Variants in CLEC16A observed in about 807,000 individuals in gnomAD.
The protein encoded by CLEC16A is protein CLEC16A.
In CLEC16A, 51 loss-of-function variants were observed where a neutral mutation model predicts 109.5. The ratio of observed to expected loss-of-function variants is 0.47; its 90% CI spans 0.37 to 0.59. The LOEUF is 0.59. CLEC16A is among the 20% of genes least tolerant of loss of function. The pLI is 0.00. For synonymous variants in CLEC16A, 673 were observed against 564.2 expected, an observed-to-expected ratio of 1.19 and a Z score of -2.73; for missense variants, 1,339 against 1,394.0, an observed-to-expected ratio of 0.96 and a Z score of 0.63.
chr16:10,977,789 A>C (rs879258372), intron 8 of CLEC16A, among the ~76,000 whole-genome samples: 2 of 152,176 alleles, frequency 1.3e-5, no homozygotes, highest in Non-Finnish European at 2.9e-5. Flanking sequence ...AAGTGCTGGG[A>C]TTATGGCCAG....
intron 22 of CLEC16A, among the ~76,000 whole-genome samples, chr16:11,151,362 C>T (rs1157832525): frequency 1.3e-5 from 2 of 152,190 alleles, no homozygotes; most frequent in Non-Finnish European, 2.9e-5. Context: ...GGGGGATGCC[C>T]ACCTGGTCAC....
At chr16:11,163,900 G>A (rs536319133) in intron 22 of CLEC16A, among the ~76,000 whole-genome samples, 2 of 152,310 alleles carry the variant, frequency 1.3e-5, no homozygotes, top group East Asian at 3.9e-4. Flanking sequence ...TTGTTAAGGG[G>A]TAATTCATTT....
chr16:11,140,329 G>A (rs1175785144), intron 22 of CLEC16A, among the ~76,000 whole-genome samples: 1 of 152,190 alleles, frequency 6.6e-6, no homozygotes, highest in Non-Finnish European at 1.5e-5. Context: ...TGGATGGAAT[G>A]AGCCTTCCTC....
chr16:11,168,647 C>G (rs1221043698), intron 23 of CLEC16A, among the ~76,000 whole-genome samples: 3 of 152,258 alleles, frequency 2.0e-5, no homozygotes, highest in Non-Finnish European at 4.4e-5. Context: ...AAGCTCCTCC[C>G]TGTCTTGAGG....
intron 10 of CLEC16A, among the ~76,000 whole-genome samples, chr16:10,998,665 T>C (rs551535642): frequency 3.3e-5 from 5 of 152,210 alleles, no homozygotes; most frequent in African/African-American, 7.2e-5. Context: ...CCCTTCTCCT[T>C]CTTCTCCTTT....
chr16:11,089,425 C>A (rs140041170), intron 19 of CLEC16A, among the ~76,000 whole-genome samples: 3 of 152,160 alleles, frequency 2.0e-5, no homozygotes, highest in Non-Finnish European at 4.4e-5. Context: ...TGTTACAGAA[C>A]GCTGAGGGGT....
intron 18 of CLEC16A, chr16:11,056,626 A>G (rs538762312): frequency 6.6e-6 from 1 of 152,296 alleles, no homozygotes; most frequent in Admixed American, 6.5e-5. Flanking sequence ...CCTTTGTAAA[A>G]CCACAAGCAG....
At chr16:11,091,728 C>T (rs144657062) in intron 19 of CLEC16A, among the ~76,000 whole-genome samples, 287 of 152,224 alleles carry the variant, frequency 1.9e-3, no homozygotes, top group Non-Finnish European at 3.3e-3. Flanking sequence ...GCTTTGAGCA[C>T]GATGCCTGAA....
At chr16:11,112,637 C>T (rs1350792788) in intron 19 of CLEC16A, among the ~76,000 whole-genome samples, 1 of 152,152 alleles carries the variant, frequency 6.6e-6, no homozygotes, top group African/African-American at 2.4e-5. Context: ...TGCAGTCCAG[C>T]CTGGGTGACA....
intron 10 of CLEC16A, among the ~76,000 whole-genome samples, chr16:10,985,094 T>C (rs2043549059): frequency 6.7e-6 from 1 of 150,264 alleles, no homozygotes; most frequent in Admixed American, 6.7e-5. Context: ...TCTCAGCTAC[T>C]CGGGAGGCTG....
At chr16:11,073,302 C>T (rs915569139) in intron 19 of CLEC16A, among the ~76,000 whole-genome samples, 8 of 152,120 alleles carry the variant, frequency 5.3e-5, no homozygotes, top group African/African-American at 1.2e-4. Flanking sequence ...GGAGCAGCTG[C>T]TCATCACCCG....
chr16:11,054,724 G>T (rs2048120360), intron 18 of CLEC16A, among the ~76,000 whole-genome samples: 1 of 152,156 alleles, frequency 6.6e-6, no homozygotes, highest in Admixed American at 6.5e-5. Flanking sequence ...TACGGTTCCT[G>T]TTGCAAGGTA....
intron 13 of CLEC16A, chr16:11,027,520 C>G: frequency 6.3e-7 from 1 of 1,575,142 alleles, no homozygotes; most frequent in Non-Finnish European, 8.6e-7. Context: ...AAGACCATCC[C>G]TCTGACAGAC....
chr16:11,154,085 C>T (rs1187147387), intron 22 of CLEC16A, among the ~76,000 whole-genome samples: 1 of 152,244 alleles, frequency 6.6e-6, no homozygotes, highest in Non-Finnish European at 1.5e-5. Flanking sequence ...TACACACGCA[C>T]ACTCCTGCAC....
At chr16:11,043,736 G>A (rs1324634889) in intron 15 of CLEC16A, among the ~76,000 whole-genome samples, 2 of 152,030 alleles carry the variant, frequency 1.3e-5, no homozygotes, top group Non-Finnish European at 2.9e-5. Context: ...ATGGTGATGG[G>A]TGCCTGTAAT....
At chr16:11,014,796 G>C (rs2045641880) in intron 11 of CLEC16A, among the ~76,000 whole-genome samples, 1 of 152,204 alleles carries the variant, frequency 6.6e-6, no homozygotes, top group Non-Finnish European at 1.5e-5. Context: ...CGCACCTTGG[G>C]AGGGAGGCTG....
intron 4 of CLEC16A, 74 bp downstream of exon 4, chr16:10,969,383 G>C: frequency 1.9e-6 from 2 of 1,029,830 alleles, no homozygotes; most frequent in Non-Finnish European, 2.8e-6. Context: ...TTACGGCAGC[G>C]CCTTATATCT....
chr16:11,060,013 G>C (rs1489259817), intron 18 of CLEC16A, among the ~76,000 whole-genome samples: 1 of 152,190 alleles, frequency 6.6e-6, no homozygotes, highest in Non-Finnish European at 1.5e-5. Context: ...CTGCTTCCTT[G>C]CTCTGGTTGG....
intron 23 of CLEC16A, among the ~76,000 whole-genome samples, chr16:11,171,219 G>A (rs546070624): frequency 6.6e-6 from 1 of 152,204 alleles, no homozygotes; most frequent in Non-Finnish European, 1.5e-5. Context: ...CAGCTGGAAG[G>A]GGGAAGGGGA....
Sources: gnomAD v4.1 joint callset for allele counts (sites outside exome capture counted in the v4.1 genomes callset) on GRCh38, gnomAD v4.1.1 for gene constraint, MANE v1.5 for transcripts, NCBI Gene and HGNC (gene_info 2026-07-23, HGNC 2026-07-21) for gene names.